Variants in NKAIN2 observed in about 807,000 individuals in gnomAD.
The protein encoded by NKAIN2 is sodium/potassium transporting ATPase interacting 2, also known as sodium/potassium-transporting ATPase subunit beta-1-interacting protein 2.
A neutral mutation model predicts 32.6 loss-of-function variants in NKAIN2; 14 were observed. The observed-to-expected ratio is 0.43, with a 90% CI of 0.28 to 0.67. NKAIN2 has a LOEUF of 0.67. Among genes scored for constraint, NKAIN2 ranks in the 30% least tolerant of loss-of-function variants. The pLI, the probability that NKAIN2 is intolerant of heterozygous loss-of-function variation, is 0.17. For missense variants in NKAIN2, 198 were observed against 258.3 expected (o/e 0.77, Z 1.60); for synonymous variants, 80 against 87.2 (o/e 0.92, Z 0.46).
intron 1 of NKAIN2, among the ~76,000 whole-genome samples, chr6:123,883,012 G>A (rs939612484): frequency 3.9e-5 from 6 of 151,954 alleles, no homozygotes; most frequent in East Asian, 1.9e-4. Context: ...TATTATACAC[G>A]CATTGATATG....
intron 1 of NKAIN2, among the ~76,000 whole-genome samples, chr6:124,171,082 A>T (rs1176671674): frequency 6.6e-6 from 1 of 152,110 alleles, no homozygotes; most frequent in East Asian, 1.9e-4. Context: ...AGAGGTTAAA[A>T]CAAATAAAGT....
At chr6:124,648,998 GA>G (rs1216420433) in intron 3 of NKAIN2, among the ~76,000 whole-genome samples, 1 of 152,058 alleles carries the variant, frequency 6.6e-6, no homozygotes, top group East Asian at 1.9e-4. Flanking sequence ...GCACTGCTTT[GA>G]GGGAAATTTA....
intron 3 of NKAIN2, among the ~76,000 whole-genome samples, chr6:124,477,838 C>A (rs1777291993): frequency 7.0e-6 from 1 of 143,840 alleles, no homozygotes; most frequent in Non-Finnish European, 1.5e-5. Context: ...CCTTCTTCTT[C>A]CTCTTCCTCT....
At chr6:124,118,810 T>C (rs1288156936) in intron 1 of NKAIN2, among the ~76,000 whole-genome samples, 1 of 152,074 alleles carries the variant, frequency 6.6e-6, no homozygotes, top group African/African-American at 2.4e-5. Flanking sequence ...CCGGAGTAAA[T>C]ATTTTGGTTT....
At chr6:124,096,214 T>C (rs996646644) in intron 1 of NKAIN2, among the ~76,000 whole-genome samples, 3 of 152,218 alleles carry the variant, frequency 2.0e-5, no homozygotes, top group Admixed American at 2.0e-4. Flanking sequence ...CTCCAAAATG[T>C]CATACAGGAT....
At chr6:124,349,325 C>G (rs1486657786) in intron 2 of NKAIN2, among the ~76,000 whole-genome samples, 1 of 152,116 alleles carries the variant, frequency 6.6e-6, no homozygotes, top group Non-Finnish European at 1.5e-5. Flanking sequence ...TCCCGAGGCT[C>G]CACCCCATTC....
chr6:124,695,210 A>C (rs1774442306), intron 4 of NKAIN2, among the ~76,000 whole-genome samples: 1 of 151,932 alleles, frequency 6.6e-6, no homozygotes, highest in Non-Finnish European at 1.5e-5. Flanking sequence ...ACAGATTTTC[A>C]ATATGGATGA....
chr6:124,433,936 G>A (rs1775328173), intron 3 of NKAIN2, among the ~76,000 whole-genome samples: 1 of 152,126 alleles, frequency 6.6e-6, no homozygotes, highest in Non-Finnish European at 1.5e-5. Flanking sequence ...GTCTGTGCAT[G>A]CAGTGCACTA....
intron 3 of NKAIN2, among the ~76,000 whole-genome samples, chr6:124,614,928 A>G (rs2115004138): frequency 6.6e-6 from 1 of 152,344 alleles, no homozygotes; most frequent in African/African-American, 2.4e-5. Flanking sequence ...CCTTTTTACA[A>G]AGCACCTTGA....
intron 3 of NKAIN2, among the ~76,000 whole-genome samples, chr6:124,546,472 T>A (rs1780097613): frequency 6.6e-6 from 1 of 152,124 alleles, no homozygotes; most frequent in Non-Finnish European, 1.5e-5. Flanking sequence ...GCTTCAGAGA[T>A]GCTTAGCATG....
At chr6:124,345,843 G>T (rs1798395211) in intron 2 of NKAIN2, among the ~76,000 whole-genome samples, 1 of 152,102 alleles carries the variant, frequency 6.6e-6, no homozygotes, top group South Asian at 2.1e-4. Context: ...CTTCAGTTGT[G>T]TTCTGATTTT....
chr6:124,482,837 CTA>C (rs1777504416), intron 3 of NKAIN2, among the ~76,000 whole-genome samples: 1 of 152,164 alleles, frequency 6.6e-6, no homozygotes, highest in African/African-American at 2.4e-5. Context: ...CAACTATACT[CTA>C]TAAGAAATGT....
chr6:124,632,712 A>T (rs1172946228), intron 3 of NKAIN2, among the ~76,000 whole-genome samples: 1 of 152,300 alleles, frequency 6.6e-6, no homozygotes, highest in East Asian at 1.9e-4. Flanking sequence ...ACATATACTT[A>T]AAAGTGTTTT....
At chr6:124,738,682 C>T (rs561346571) in intron 4 of NKAIN2, among the ~76,000 whole-genome samples, 119 of 151,924 alleles carry the variant, frequency 7.8e-4, no homozygotes, top group African/African-American at 2.8e-3. Flanking sequence ...TTCACCTAGA[C>T]CATGGGAGTA....
In NKAIN2 at chr6:124,371,186, A is replaced by G. The variant is rs1241865723; in HGVS notation, c.273+15839A>G. On this transcript the variant is annotated intron_variant, in intron 3 of 6. Coordinates refer to ENST00000368417, the MANE Select transcript of NKAIN2 (RefSeq NM_001040214.3). ...CTCTTTAAGTTATACCTCAATAAATATAAAGCTAGAAGCATAGTTTTGAAA... is the reference window on the plus strand; with the variant it reads ...CTCTTTAAGTTATACCTCAATAAATGTAAAGCTAGAAGCATAGTTTTGAAA... Among the ~76,000 whole-genome samples the G allele has an allele frequency of 3.3e-5, 5 of 152,302 alleles. No homozygotes were observed. In the East Asian group the frequency reaches 5.8e-4, roughly 18 times the overall value.
chr6:123,911,173 T>C (rs1775159312), intron 1 of NKAIN2, among the ~76,000 whole-genome samples: 1 of 152,124 alleles, frequency 6.6e-6, no homozygotes, highest in Admixed American at 6.6e-5. Flanking sequence ...TGAAATTCTT[T>C]TGAAACCCTT....
intron 2 of NKAIN2, among the ~76,000 whole-genome samples, chr6:124,295,376 G>T (rs75475076): frequency 2.4e-3 from 364 of 152,146 alleles, no homozygotes; most frequent in Non-Finnish European, 4.4e-3. Context: ...GAGAAGCTCT[G>T]TGAACACGTT....
intron 1 of NKAIN2, among the ~76,000 whole-genome samples, chr6:123,930,300 G>T (rs565787723): frequency 4.3e-4 from 66 of 152,170 alleles, no homozygotes; most frequent in African/African-American, 1.5e-3. Context: ...TGTAGATATA[G>T]CCAGAGTAGG....
chr6:124,659,981 TA>T (rs1396047668), intron 4 of NKAIN2, among the ~76,000 whole-genome samples: 1 of 152,180 alleles, frequency 6.6e-6, no homozygotes, highest in African/African-American at 2.4e-5. Flanking sequence ...GTTTTAAATC[TA>T]AAAGTGCTTA....
Sources: gnomAD v4.1 joint callset for allele counts (sites outside exome capture counted in the v4.1 genomes callset) on GRCh38, gnomAD v4.1.1 for gene constraint, MANE v1.5 for transcripts, NCBI Gene and HGNC (gene_info 2026-07-23, HGNC 2026-07-21) for gene names.